The following CLASRP variants were observed in gnomAD, a reference collection of about 807,000 sequenced individuals.
CLASRP encodes CLK4 associating serine/arginine rich protein, also known as CLK4-associating serine/arginine rich protein.
CLASRP carries 52 observed loss-of-function variants against 99.9 expected under a neutral mutation model. The ratio of observed to expected loss-of-function variants is 0.52; its 90% CI spans 0.42 to 0.66. The LOEUF (loss-of-function observed/expected upper bound fraction) is 0.66, where lower values mean the gene tolerates loss of function less well. CLASRP is among the 30% of genes least tolerant of loss of function. The pLI is 0.00. For synonymous variants in CLASRP, 379 were observed against 373.0 expected (o/e 1.02, Z -0.18); for missense variants, 848 against 999.2 (o/e 0.85, Z 2.04).
intron 2 of CLASRP, 130 bp from the exon 3 acceptor site, chr19:45,051,941 C>T: frequency 1.5e-6 from 1 of 682,896 alleles, no homozygotes; most frequent in Admixed American, 2.4e-5. Context: ...GCACTCCAGC[C>T]TGGGCGACAG....
In CLASRP at chr19:45,064,455, G is replaced by C. The variant is rs1189209673; in HGVS notation, c.1234G>C (p.Gly412Arg). 6.5e-7 allele frequency: 1 copy of C among 1,527,190 alleles called. No homozygotes were observed. The highest frequency in any genetic ancestry group is 8.8e-7 in the Non-Finnish European group (1 of 1,138,956). 94.6% of individuals were successfully genotyped at this position (1,527,190 alleles called of 1,614,324 possible). A position where few individuals can be genotyped will look rare whatever the true frequency, so the allele number is the denominator to read the frequency against. The part of the protein sequence containing the change: ...SRRGGGYYRS[G>R]RHARSRSRSW... ...CCGTGGTGGGGGCTACTACCGTTCC[G>C]GCCGCCACGCCCGCTCCCGGTCCCG... is the stretch of plus-strand genomic sequence containing the variant. Residue 412 changes from glycine to arginine, a missense_variant, in exon 13 of 21, where the codon GGC becomes CGC. Around this residue, in one of 8 missense-constraint regions of CLASRP, gnomAD observed 489 missense variants for 434.7 expected, o/e 1.12. Transcript: ENST00000221455.
At chr19:45,049,521 G>A (rs998839343) in intron 2 of CLASRP, among the ~76,000 whole-genome samples, 1 of 152,182 alleles carries the variant, frequency 6.6e-6, no homozygotes, top group African/African-American at 2.4e-5. Context: ...TAGTGAGTGC[G>A]GGGTTGAAAC....
At chr19:45,056,947 G>A (rs1490665734) in intron 6 of CLASRP, among the ~76,000 whole-genome samples, 1 of 152,202 alleles carries the variant, frequency 6.6e-6, no homozygotes, top group Non-Finnish European at 1.5e-5. Flanking sequence ...CTGCCATGTA[G>A]TGAGCTTGCA....
rs764472761 is a variant in CLASRP, at chr19:45,064,111, C to T, written c.1005C>T (p.Ser335=). 5 of 1,611,940 alleles carry T rather than the reference C, an allele frequency of 3.1e-6. No individual in the cohort carries two copies. The highest frequency in any genetic ancestry group is 1.3e-5 in the African/African-American group (1 of 74,928). ...KITFITSFGG[S]DEEAAAAAAA... is the part of the protein sequence containing the mutation. ...CGTTCATCACCAGTTTTGGGGGCAG[C>T]GATGAGGAGGCAGCCGCAGCCGCTG... The change falls in exon 12 of 21, where the codon AGC becomes AGT. Residue 335 remains serine, a synonymous_variant. Transcript: ENST00000221455.
chr19:45,056,963 C>T (rs942345024), intron 6 of CLASRP, among the ~76,000 whole-genome samples: 11 of 152,180 alleles, frequency 7.2e-5, no homozygotes, highest in African/African-American at 2.2e-4. Flanking sequence ...TTGCAGTCAG[C>T]CCTAGCTGAT....
intron 2 of CLASRP, among the ~76,000 whole-genome samples, chr19:45,044,500 C>T (rs1481628740): frequency 6.6e-6 from 1 of 152,174 alleles, no homozygotes; most frequent in African/African-American, 2.4e-5. Context: ...GGCACTATAA[C>T]CCAGTCTCTG....
intron 3 of CLASRP, 75 bp downstream of exon 3, chr19:45,052,243 G>A (rs1600100325): frequency 2.3e-6 from 3 of 1,289,766 alleles, no homozygotes; most frequent in Non-Finnish European, 3.4e-6. Flanking sequence ...TGTAGAGTGT[G>A]GAGCAGAGAC....
chr19:45,043,455 A>C (rs967656338), intron 2 of CLASRP, among the ~76,000 whole-genome samples: 11 of 151,066 alleles, frequency 7.3e-5, no homozygotes, highest in African/African-American at 2.7e-4. Flanking sequence ...TCATACGTAT[A>C]TGCACATACC....
intron 13 of CLASRP, 60 bp downstream of exon 13, chr19:45,064,690 G>T: frequency 6.8e-7 from 1 of 1,480,746 alleles, no homozygotes; most frequent in East Asian, 2.4e-5. Context: ...CCGATCCTGG[G>T]GAGAAGGTGC....
intron 1 of CLASRP, 99 bp from the exon 2 acceptor site, chr19:45,040,085 G>A (rs1443507413): frequency 6.4e-6 from 4 of 628,170 alleles, no homozygotes; most frequent in Non-Finnish European, 1.2e-5. Flanking sequence ...GAGATGTGTT[G>A]TTTGGGATCG....
Position 45,069,190 on chromosome 19 carries a change from TG to T in CLASRP, c.1828-11del, listed in dbSNP as rs1967174895. ...TGGCCTGGCCACGTCCTCATAGCCC[TG>T]TCTGCTGCAGGAGCGGGAAGACGAG... On this transcript the variant is annotated splice_polypyrimidine_tract_variant and intron_variant, in intron 17 of 20. Transcript: ENST00000221455. The T allele has an allele frequency of 2.5e-6, 4 of 1,613,874 alleles. No homozygotes were observed. Among genetic ancestry groups the T allele is most frequent in the Non-Finnish European group, 3.4e-6 (4 of 1,179,948 alleles).
In CLASRP at chr19:45,064,444, A is replaced by G. The variant is rs902634899; in HGVS notation, c.1223A>G (p.Tyr408Cys). The G allele has an allele frequency of 2.6e-5, 39 of 1,521,192 alleles. No homozygotes were observed. The highest frequency in any genetic ancestry group is 3.4e-5 in the Non-Finnish European group (38 of 1,133,998). The allele number at this position is 1,521,192 out of a possible 1,614,324, so 94.2% of individuals were successfully genotyped here. The change falls in exon 13 of 21, where the codon TAC (tyrosine) becomes TGC (cysteine). Residue 408 changes from tyrosine (Y) to cysteine (C), a missense_variant. By Grantham distance (194) the Tyr-to-Cys change is radical. Transcript: ENST00000221455. ...SSSRSRRGGG[Y>C]YRSGRHARSR... ...TCCCGCTCTCGCCGTGGTGGGGGCT[A>G]CTACCGTTCCGGCCGCCACGCCCGC...
chr19:45,051,417 G>A (rs150059316), intron 2 of CLASRP, among the ~76,000 whole-genome samples: 2 of 152,034 alleles, frequency 1.3e-5, no homozygotes, highest in African/African-American at 4.8e-5. Context: ...AGGTTCAAGC[G>A]ATTCTCCTGC....
At chr19:45,049,046 A>G (rs920367686) in intron 2 of CLASRP, among the ~76,000 whole-genome samples, 4 of 152,234 alleles carry the variant, frequency 2.6e-5, no homozygotes, top group Admixed American at 2.6e-4. Flanking sequence ...GAGACAGTGC[A>G]CATAAAACAG....
Position 45,067,421 on chromosome 19 carries a change from G to T in CLASRP, c.1494G>T (p.Trp498Cys). 1 of 1,532,170 alleles carries T rather than the reference G, an allele frequency of 6.5e-7. No individual in the cohort carries two copies. Among genetic ancestry groups the T allele is most frequent in the Non-Finnish European group, 8.8e-7 (1 of 1,141,614 alleles). 94.9% of individuals were successfully genotyped at this position (1,532,170 alleles called of 1,614,324 possible). ...GCAGTAGCCGCAGCCGCAGCAGCTGGTCCCTCAGCCCGTCCCGCAGTCGCA... is the reference window on the plus strand; with the variant it reads ...GCAGTAGCCGCAGCCGCAGCAGCTGTTCCCTCAGCCCGTCCCGCAGTCGCA... Reference protein sequence around the residue: ...HHSSSRSRSSWSLSPSRSRSL... With the variant: ...HHSSSRSRSSCSLSPSRSRSL... The change falls in exon 14 of 21, where the codon TGG becomes TGT. Residue 498 changes from tryptophan to cysteine, a missense_variant. By Grantham distance (215) the Trp-to-Cys change is radical (BLOSUM62 -2). Coordinates refer to ENST00000221455, the MANE Select transcript of CLASRP (RefSeq NM_007056.3). The surrounding 1 kb of genome is among the most constrained non-coding windows in gnomAD (Gnocchi z 4.9).
At chr19:45,053,051 G>C in intron 4 of CLASRP, 47 bp from the exon 5 acceptor site, 1 of 1,605,244 alleles carries the variant, frequency 6.2e-7, no homozygotes, top group African/African-American at 1.3e-5. Flanking sequence ...GCTTGGGGGG[G>C]GATCCACTCC....
intron 2 of CLASRP, among the ~76,000 whole-genome samples, chr19:45,042,192 A>G (rs1329654054): frequency 6.6e-6 from 1 of 152,062 alleles, no homozygotes; most frequent in African/African-American, 2.4e-5. Flanking sequence ...AAATACAGAA[A>G]TTAGCTGGAG....
chr19:45,059,157 GA>G lies in CLASRP; in HGVS notation c.614-109del, dbSNP rs1171402839. 3.5e-6 allele frequency: 3 copies of G among 848,778 alleles called. No individual in the cohort carries two copies. In the African/African-American group the frequency reaches 5.0e-5, roughly 14 times the overall value. 52.6% of individuals were successfully genotyped at this position (848,778 alleles called of 1,614,324 possible). Reference sequence around the variant, plus strand: ...AGACTTGATGCCATCCCTTCCTGAAGAATCCCTCAGTCTGGCGGGCGCCCCA... The same window carrying G: ...AGACTTGATGCCATCCCTTCCTGAAGATCCCTCAGTCTGGCGGGCGCCCCA... On this transcript the variant is annotated intron_variant, in intron 7 of 20. Coordinates refer to ENST00000221455, the MANE Select transcript of CLASRP (RefSeq NM_007056.3).
intron 7 of CLASRP, among the ~76,000 whole-genome samples, chr19:45,058,904 C>A (rs1362281050): frequency 6.6e-6 from 1 of 151,996 alleles, no homozygotes; most frequent in South Asian, 2.1e-4. Flanking sequence ...CTCCCTCCCT[C>A]CATCCACCCA....
Sources: gnomAD v4.1 joint callset for allele counts (sites outside exome capture counted in the v4.1 genomes callset) on GRCh38, gnomAD v4.1.1 for gene constraint, gnomAD v4.1.1 regional missense constraint, Gnocchi (gnomAD v3.1) non-coding constraint, MANE v1.5 for transcripts, NCBI Gene and HGNC (gene_info 2026-07-23, HGNC 2026-07-21) for gene names.